Variants in RARB observed in about 807,000 individuals in gnomAD.
RARB encodes retinoic acid receptor beta.
In RARB, 17 loss-of-function variants were observed where a neutral mutation model predicts 51.9. That is an observed-to-expected ratio of 0.33 (90% CI 0.22 to 0.49). RARB has a LOEUF of 0.49. Among genes scored for constraint, RARB ranks in the 20% least tolerant of loss-of-function variants. The pLI, the probability that RARB is intolerant of heterozygous loss-of-function variation, is 0.99. For missense variants in RARB, 369 were observed against 550.8 expected (o/e 0.67, Z 3.30); for synonymous variants, 215 against 195.4 (o/e 1.10, Z -0.84).
At chr3:25,267,411 C>A (rs1703152357) in intron 5 of RARB, among the ~76,000 whole-genome samples, 1 of 152,200 alleles carries the variant, frequency 6.6e-6, no homozygotes, top group Non-Finnish European at 1.5e-5. Flanking sequence ...CCCCGTCTTT[C>A]ACCTCACATT....
In RARB at chr3:24,989,853, G is replaced by T. The variant is rs1375189372; in HGVS notation, c.-379-70272G>T. Among the ~76,000 whole-genome samples the T allele has an allele frequency of 3.9e-5, 3 of 77,222 alleles. 1 individual carries two copies. Among genetic ancestry groups the T allele is most frequent in the Non-Finnish European group, 6.9e-5 (3 of 43,666 alleles). 50.7% of individuals were successfully genotyped at this position (77,222 alleles called of 152,430 possible). A position where few individuals can be genotyped will look rare whatever the true frequency, so the allele number is the denominator to read the frequency against. On this transcript the variant is annotated intron_variant, in intron 2 of 11. Coordinates refer to the RARB transcript ENST00000383772. Reference sequence around the variant, plus strand: ...TGTCGCCCAGGCTGGACTGCGGACTGCAGTGGCGCAATCTCGGCTCACTGC... The same window carrying T: ...TGTCGCCCAGGCTGGACTGCGGACTTCAGTGGCGCAATCTCGGCTCACTGC...
chr3:25,222,425 A>G (rs1701967528), intron 5 of RARB, among the ~76,000 whole-genome samples: 2 of 152,136 alleles, frequency 1.3e-5, no homozygotes, highest in Admixed American at 6.5e-5. Context: ...TTTCCCAAAG[A>G]TTTATATTTT....
chr3:25,193,485 T>C (rs77174702), intron 5 of RARB, among the ~76,000 whole-genome samples: 2,691 of 152,164 alleles, frequency 0.018, 58 homozygotes, highest in African/African-American at 0.061. Flanking sequence ...CATGATCTGA[T>C]TGTGCTTTTT....
chr3:25,197,504 C>T (rs1007390265), intron 5 of RARB, among the ~76,000 whole-genome samples: 1 of 151,848 alleles, frequency 6.6e-6, no homozygotes, highest in Non-Finnish European at 1.5e-5. Context: ...GTCAATGTAT[C>T]CTTGTTTCCA....
At chr3:25,238,470 G>A (rs1378896088) in intron 5 of RARB, among the ~76,000 whole-genome samples, 1 of 152,102 alleles carries the variant, frequency 6.6e-6, no homozygotes, top group East Asian at 1.9e-4. Context: ...CAGTAAACAT[G>A]GGGTACAGGT....
intron 3 of RARB, among the ~76,000 whole-genome samples, chr3:25,569,165 A>AT (rs1231323071): frequency 1.3e-5 from 2 of 152,242 alleles, no homozygotes; most frequent in African/African-American, 2.4e-5. Context: ...TTTTTAAGTA[A>AT]TTTTATATTC....
intron 2 of RARB, among the ~76,000 whole-genome samples, chr3:24,927,073 A>G (rs918746421): frequency 2.0e-5 from 3 of 152,096 alleles, no homozygotes; most frequent in Non-Finnish European, 4.4e-5. Flanking sequence ...TGGCAGCTTG[A>G]TCCAGTAATG....
intron 2 of RARB, among the ~76,000 whole-genome samples, chr3:25,500,534 C>T (rs1486806712): frequency 2.2e-5 from 3 of 137,442 alleles, no homozygotes; most frequent in Non-Finnish European, 4.5e-5. Flanking sequence ...GACTGGAGTG[C>T]GGTGGCACAA....
At chr3:24,979,787 T>C (rs1696603000) in intron 2 of RARB, among the ~76,000 whole-genome samples, 1 of 152,144 alleles carries the variant, frequency 6.6e-6, no homozygotes, top group Non-Finnish European at 1.5e-5. Flanking sequence ...AAGGTTAATA[T>C]TGTTACGTGT....
At chr3:25,227,478 A>G (rs1454010645) in intron 5 of RARB, among the ~76,000 whole-genome samples, 2 of 152,118 alleles carry the variant, frequency 1.3e-5, no homozygotes, top group East Asian at 3.8e-4. Context: ...ATATATTTCC[A>G]CAACTATTTT....
intron 2 of RARB, among the ~76,000 whole-genome samples, chr3:25,027,537 G>T (rs556528068): frequency 1.1e-4 from 17 of 152,106 alleles, no homozygotes; most frequent in Admixed American, 2.0e-4. Flanking sequence ...GCCAGTTTGT[G>T]GGGGAAACAG....
rs1042073247 is a variant in RARB, at chr3:24,889,710, A to C, written c.-380+30958A>C. Among the ~76,000 whole-genome samples the C allele has an allele frequency of 5.1e-3, 314 of 61,754 alleles. 1 individual carries two copies. The highest frequency in any genetic ancestry group is 0.016 in the African/African-American group (297 of 18,282). 40.5% of individuals were successfully genotyped at this position (61,754 alleles called of 152,430 possible). A position where few individuals can be genotyped will look rare whatever the true frequency, so the allele number is the denominator to read the frequency against. Reference sequence around the variant, plus strand: ...TGTGTGTGTGTGTGTGTGTGTGTGTACATTTAAAGGTATCTGCAGTAAGGG... The same window carrying C: ...TGTGTGTGTGTGTGTGTGTGTGTGTCCATTTAAAGGTATCTGCAGTAAGGG... On this transcript the variant is annotated intron_variant, in intron 2 of 11. Transcript: ENST00000383772.
intron 3 of RARB, among the ~76,000 whole-genome samples, chr3:25,099,601 G>A (rs1699360827): frequency 7.7e-6 from 1 of 129,550 alleles, no homozygotes; most frequent in Non-Finnish European, 1.6e-5. Context: ...TTTCTCATGA[G>A]TATTTTCAGG....
chr3:25,237,680 C>T lies in RARB; in HGVS notation c.178+63105C>T, dbSNP rs552875872. 9.2e-5 allele frequency among the ~76,000 whole-genome samples: 14 copies of T among 152,166 alleles called. No individual in the cohort carries two copies. The South Asian group carries it at 2.7e-3, about 29-fold the overall frequency. The stretch of plus-strand genomic sequence containing the variant: ...AGACACCCATCATCACTATCTAATT[C>T]CAGAACATGTTATATCACCCCAAAA... On this transcript the variant is annotated intron_variant, in intron 5 of 11. Coordinates refer to the RARB transcript ENST00000383772.
intron 5 of RARB, among the ~76,000 whole-genome samples, chr3:25,389,502 G>A (rs528353744): frequency 5.3e-5 from 8 of 152,264 alleles, no homozygotes; most frequent in Admixed American, 2.6e-4. Flanking sequence ...CCAACTCAGC[G>A]GTGTTGCTGT....
intron 5 of RARB, among the ~76,000 whole-genome samples, chr3:25,205,380 G>A (rs1254513479): frequency 1.3e-5 from 2 of 152,150 alleles, no homozygotes; most frequent in Non-Finnish European, 2.9e-5. Flanking sequence ...TCCCGGGTGA[G>A]GCAATGCCTC....
chr3:24,894,825 C>T (rs1703447485), intron 2 of RARB, among the ~76,000 whole-genome samples: 1 of 152,188 alleles, frequency 6.6e-6, no homozygotes, highest in East Asian at 1.9e-4. Flanking sequence ...AGTACTTGCC[C>T]TCATGGAGAC....
Position 25,041,270 on chromosome 3 carries a change from T to G in RARB, c.-379-18855T>G, listed in dbSNP as rs376138444. Among the ~76,000 whole-genome samples, 29 of 152,304 alleles carry G rather than the reference T, an allele frequency of 1.9e-4. 1 individual carries two copies. In the South Asian group the frequency reaches 6.0e-3, roughly 32 times the overall value. ...CCTACCTGTAAAAAGAAGTGTCTTTTCCAGCACTAAAGTTCTATATTTGAT... is the reference window on the plus strand; with the variant it reads ...CCTACCTGTAAAAAGAAGTGTCTTTGCCAGCACTAAAGTTCTATATTTGAT... On this transcript the variant is annotated intron_variant, in intron 2 of 11. Coordinates refer to the RARB transcript ENST00000383772.
intron 2 of RARB, among the ~76,000 whole-genome samples, chr3:25,034,294 A>AG (rs1442002273): frequency 1.3e-5 from 2 of 152,232 alleles, no homozygotes; most frequent in South Asian, 2.1e-4. Context: ...TGGGCCGCAC[A>AG]GGGAGACCTT....
Sources: allele counts gnomAD v4.1 joint callset (sites outside exome capture counted in the v4.1 genomes callset), GRCh38; gene constraint gnomAD v4.1.1; transcripts MANE v1.5; gene names NCBI Gene and HGNC (gene_info 2026-07-23, HGNC 2026-07-21).